NIBAN1: variants seen among roughly 807,000 people sequenced by gnomAD.
NIBAN1 encodes niban apoptosis regulator 1, also known as protein Niban 1.
NIBAN1 carries 81 observed loss-of-function variants against 75.1 expected under a neutral mutation model. That is an observed-to-expected ratio of 1.08 (90% CI 0.90 to 1.30). The LOEUF is 1.30. Ranked by LOEUF, NIBAN1 falls within the 50% of genes most tolerant of loss-of-function variation. NIBAN1 has a pLI of 0.00. For synonymous variants in NIBAN1, 436 were observed against 424.8 expected (o/e 1.03, Z -0.32); for missense variants, 1,133 against 1,128.1 (o/e 1.00, Z -0.06).
At chr1:184,852,037 G>A (rs1201608581) in intron 5 of NIBAN1, among the ~76,000 whole-genome samples, 24 of 152,242 alleles carry the variant, frequency 1.6e-4, no homozygotes, top group African/African-American at 5.8e-4. Flanking sequence ...ACTTCGGTGA[G>A]CAGAGACTCA....
chr1:184,858,662 T>A (rs1655738443), intron 5 of NIBAN1, among the ~76,000 whole-genome samples: 2 of 152,310 alleles, frequency 1.3e-5, no homozygotes, highest in African/African-American at 4.8e-5. Flanking sequence ...AAGTTAAAAA[T>A]ACATTTACCC....
intron 1 of NIBAN1, among the ~76,000 whole-genome samples, chr1:184,967,204 C>CCT (rs369227508): frequency 0.51 from 75,589 of 146,808 alleles, 19,815 homozygotes; most frequent in Non-Finnish European, 0.58. Context: ...TCTTTCCCTC[C>CCT]CTCTCTCTCT....
At chr1:184,911,501 G>A (rs778215768) in intron 1 of NIBAN1, among the ~76,000 whole-genome samples, 7 of 152,114 alleles carry the variant, frequency 4.6e-5, no homozygotes, top group African/African-American at 9.7e-5. Context: ...TCCCTTAATC[G>A]CATTCAGGTG....
intron 5 of NIBAN1, among the ~76,000 whole-genome samples, chr1:184,881,372 A>G (rs1656374165): frequency 6.6e-6 from 1 of 152,164 alleles, no homozygotes; most frequent in Admixed American, 6.5e-5. Context: ...AAATGTAGCC[A>G]AATTCAGACC....
Position 184,796,054 on chromosome 1 carries a change from T to C in NIBAN1, c.1710A>G (p.Glu570=), listed in dbSNP as rs1425183116. Reference sequence around the variant, plus strand: ...TTTCACTGGGCAAGGCCATGTTATCTTCAAATAAGTTGTGTTTCTTCAAGA... The same window carrying C: ...TTTCACTGGGCAAGGCCATGTTATCCTCAAATAAGTTGTGTTTCTTCAAGA... ...AAILKKHNLF[E]DNMALPSESV... Residue 570 remains glutamate, a synonymous_variant, in exon 14 of 14, where the codon GAA becomes GAG. Coordinates refer to ENST00000367511, the MANE Select transcript of NIBAN1 (RefSeq NM_052966.4). The C allele has an allele frequency of 6.3e-7, 1 of 1,578,284 alleles. No homozygotes were observed. The highest frequency in any genetic ancestry group is 1.1e-5 in the South Asian group (1 of 87,660).
At chr1:184,825,160 C>T (rs554545041) in intron 6 of NIBAN1, among the ~76,000 whole-genome samples, 4 of 152,256 alleles carry the variant, frequency 2.6e-5, no homozygotes, top group African/African-American at 7.2e-5. Context: ...GATGATTCTG[C>T]CATTTTCATT....
intron 2 of NIBAN1, among the ~76,000 whole-genome samples, chr1:184,896,266 G>T (rs1656799113): frequency 6.6e-6 from 1 of 152,110 alleles, no homozygotes; most frequent in African/African-American, 2.4e-5. Flanking sequence ...GCTGTAAGAT[G>T]ATATCTTGGT....
intron 5 of NIBAN1, among the ~76,000 whole-genome samples, chr1:184,877,977 T>C (rs1656275652): frequency 6.6e-6 from 1 of 152,284 alleles, no homozygotes; most frequent in Admixed American, 6.5e-5. Flanking sequence ...TTGTTCCAAT[T>C]TGTCATCCTG....
intron 1 of NIBAN1, among the ~76,000 whole-genome samples, chr1:184,970,545 C>T (rs1315893326): frequency 1.3e-5 from 2 of 152,182 alleles, no homozygotes; most frequent in Non-Finnish European, 2.9e-5. Context: ...GAGGGAACTT[C>T]CCTGAGAAAA....
At chr1:184,932,433 A>C (rs1160455981) in intron 1 of NIBAN1, among the ~76,000 whole-genome samples, 2 of 152,202 alleles carry the variant, frequency 1.3e-5, no homozygotes, top group African/African-American at 4.8e-5. Context: ...CCCTGCATGC[A>C]CAGTTCACAG....
intron 6 of NIBAN1, among the ~76,000 whole-genome samples, chr1:184,830,833 T>A (rs1022661332): frequency 3.3e-5 from 5 of 152,020 alleles, no homozygotes; most frequent in African/African-American, 9.7e-5. Flanking sequence ...AAACCCCATC[T>A]CTACTAAAAA....
At chr1:184,827,183 C>CA (rs1276915371) in intron 6 of NIBAN1, among the ~76,000 whole-genome samples, 2 of 152,116 alleles carry the variant, frequency 1.3e-5, no homozygotes, top group Admixed American at 1.3e-4. Context: ...ATAAATTACC[C>CA]AGTCTCGGTT....
intron 3 of NIBAN1, among the ~76,000 whole-genome samples, chr1:184,892,912 C>T (rs911433420): frequency 6.6e-6 from 1 of 152,160 alleles, no homozygotes; most frequent in African/African-American, 2.4e-5. Flanking sequence ...TCTGAGACTA[C>T]AGGCATGCAC....
At chr1:184,908,635 A>C (rs1024785476) in intron 1 of NIBAN1, among the ~76,000 whole-genome samples, 9 of 152,216 alleles carry the variant, frequency 5.9e-5, no homozygotes, top group Non-Finnish European at 1.2e-4. Context: ...ACATTTATGC[A>C]CACATCTTGT....
intron 1 of NIBAN1, among the ~76,000 whole-genome samples, chr1:184,924,501 T>A (rs1197258160): frequency 6.6e-6 from 1 of 152,192 alleles, no homozygotes; most frequent in African/African-American, 2.4e-5. Context: ...TGGCCTGTAG[T>A]TTTCTTTTTT....
At chr1:184,884,877 G>T (rs1403201269) in intron 4 of NIBAN1, 77 bp from the exon 5 acceptor site, 1 of 1,522,514 alleles carries the variant, frequency 6.6e-7, no homozygotes, top group Non-Finnish European at 8.9e-7. Flanking sequence ...AGGTCGTGAG[G>T]GTGACTATCT....
At chr1:184,817,165 G>C (rs542125259) in intron 9 of NIBAN1, among the ~76,000 whole-genome samples, 1 of 152,200 alleles carries the variant, frequency 6.6e-6, no homozygotes, top group South Asian at 2.1e-4. Context: ...GAAAATGATG[G>C]TTTCCAGCTT....
intron 1 of NIBAN1, among the ~76,000 whole-genome samples, chr1:184,909,711 C>T (rs73050681): frequency 0.083 from 12,674 of 152,130 alleles, 1,759 homozygotes; most frequent in African/African-American, 0.29. Flanking sequence ...TGGTTTTGAC[C>T]CACTGTCCAC....
chr1:184,837,351 G>A (rs1056414394), intron 5 of NIBAN1, among the ~76,000 whole-genome samples: 3 of 152,170 alleles, frequency 2.0e-5, no homozygotes, highest in Admixed American at 2.0e-4. Context: ...AGAAGGCCTA[G>A]GGAGACAGAG....
Sources: gnomAD v4.1 joint callset for allele counts (sites outside exome capture counted in the v4.1 genomes callset) on GRCh38, gnomAD v4.1.1 for gene constraint, MANE v1.5 for transcripts, NCBI Gene and HGNC (gene_info 2026-07-23, HGNC 2026-07-21) for gene names.